Variants in CCDC33 observed in about 807,000 individuals in gnomAD.
The protein encoded by CCDC33 is coiled-coil domain-containing protein 33.
Under a neutral mutation model 91.9 loss-of-function variants are expected in CCDC33, and 94 were observed. The ratio of observed to expected loss-of-function variants is 1.02; its 90% CI spans 0.87 to 1.21. The LOEUF (loss-of-function observed/expected upper bound fraction) is 1.21, where lower values mean the gene tolerates loss of function less well. CCDC33 is among the 50% of genes most tolerant of loss of function. The pLI is 0.00. For missense variants in CCDC33, 940 were observed against 935.5 expected (o/e 1.00, Z -0.06); for synonymous variants, 396 against 374.5 (o/e 1.06, Z -0.66).
chr15:74,223,948 C>T (rs1567214428), intron 2 of CCDC33, among the ~76,000 whole-genome samples: 4 of 152,242 alleles, frequency 2.6e-5, no homozygotes, highest in South Asian at 4.1e-4. Context: ...GGCAGCTCCC[C>T]CTTCTCCTCC....
Position 74,295,951 on chromosome 15 carries a change from G to A in CCDC33, c.1290+3G>A. On this transcript the variant is annotated splice_donor_region_variant and intron_variant, in intron 11 of 18. Coordinates refer to ENST00000398814, the MANE Select transcript of CCDC33 (RefSeq NM_025055.5). ...TGCCTGAGATGTCCCATGACACAGTGAGTGTCTCTCCCCAGGTGGGAAGGG... is the reference window on the plus strand; with the variant it reads ...TGCCTGAGATGTCCCATGACACAGTAAGTGTCTCTCCCCAGGTGGGAAGGG... 3 of 1,608,600 alleles carry A rather than the reference G, an allele frequency of 1.9e-6. No homozygotes were observed. Among genetic ancestry groups the A allele is most frequent in the Non-Finnish European group, 2.5e-6 (3 of 1,177,328 alleles).
At chr15:74,323,734 A>G (rs1451048796) in intron 11 of CCDC33, among the ~76,000 whole-genome samples, 2 of 151,384 alleles carry the variant, frequency 1.3e-5, no homozygotes, top group Admixed American at 1.3e-4. Flanking sequence ...TCACCATGTT[A>G]GTCAGGCTGG....
At chr15:74,330,139 CA>C in intron 11 of CCDC33, 49 bp from the exon 12 acceptor site, 1 of 1,509,010 alleles carries the variant, frequency 6.6e-7, no homozygotes, top group Non-Finnish European at 8.9e-7. Context: ...GATGTGGGAC[CA>C]GGGTTGCTAT....
At chr15:74,257,055 C>T (rs1231979662) in intron 2 of CCDC33, among the ~76,000 whole-genome samples, 1 of 152,238 alleles carries the variant, frequency 6.6e-6, no homozygotes, top group Non-Finnish European at 1.5e-5. Flanking sequence ...AAGAGCTGGG[C>T]CCTCAGGGAC....
At chr15:74,227,644 T>C (rs1488053054) in intron 2 of CCDC33, among the ~76,000 whole-genome samples, 1 of 152,180 alleles carries the variant, frequency 6.6e-6, no homozygotes, top group Non-Finnish European at 1.5e-5. Context: ...AAGTGTTGCA[T>C]AAGTAGCCCT....
chr15:74,210,466 T>G (rs1377967052), intron 2 of CCDC33, among the ~76,000 whole-genome samples: 1 of 152,218 alleles, frequency 6.6e-6, no homozygotes, highest in African/African-American at 2.4e-5. Flanking sequence ...ATTTTATGCT[T>G]CTTTAACTAG....
intron 10 of CCDC33, among the ~76,000 whole-genome samples, 168 bp from the exon 11 acceptor site, chr15:74,295,573 AGGGCCATGTATTT>A (rs1461643402): frequency 6.6e-6 from 1 of 152,170 alleles, no homozygotes; most frequent in African/African-American, 2.4e-5. Context: ...AGGAACAGCA[AGGGCCATGTATTT>A]GGGACCCGGT....
At chr15:74,304,784 G>A (rs1222706072) in intron 11 of CCDC33, among the ~76,000 whole-genome samples, 1 of 152,054 alleles carries the variant, frequency 6.6e-6, no homozygotes, top group Non-Finnish European at 1.5e-5. Context: ...GACTTGGCCA[G>A]GTACCTAAGC....
chr15:74,218,177 C>T lies in CCDC33; in HGVS notation c.311-320C>T, dbSNP rs915529880. 1.3e-5 allele frequency among the ~76,000 whole-genome samples: 2 copies of T among 152,210 alleles called. No individual in the cohort carries two copies. Among genetic ancestry groups the T allele is most frequent in the Admixed American group, 6.5e-5 (1 of 15,284 alleles). ...AAACCAAGTCCCAGACTTTAAATGGCTATAAATCAGGGGCAGGCTGAACTC... is the reference window on the plus strand; with the variant it reads ...AAACCAAGTCCCAGACTTTAAATGGTTATAAATCAGGGGCAGGCTGAACTC... On this transcript the variant is annotated intron_variant, in intron 1 of 2. Transcript: ENST00000635913. The surrounding 1 kb of genome is among the most constrained non-coding windows in gnomAD (Gnocchi z 4.8).
chr15:74,210,543 TCA>T (rs1353957865), intron 2 of CCDC33, among the ~76,000 whole-genome samples: 11 of 152,242 alleles, frequency 7.2e-5, no homozygotes, highest in African/African-American at 2.7e-4. Flanking sequence ...AGCAAACTGT[TCA>T]CAGTGGTCAC....
chr15:74,274,815 C>G (rs986260727), intron 7 of CCDC33, among the ~76,000 whole-genome samples: 3 of 152,254 alleles, frequency 2.0e-5, no homozygotes, highest in African/African-American at 7.2e-5. Context: ...AGACTTGTTC[C>G]CAGTGCCTTT....
chr15:74,265,004 C>A (rs1309034663), intron 3 of CCDC33, among the ~76,000 whole-genome samples: 2 of 152,200 alleles, frequency 1.3e-5, no homozygotes, highest in Non-Finnish European at 2.9e-5. Context: ...TCTCCCCCTT[C>A]TTTCCTTTGA....
At chr15:74,333,753 C>A in intron 16 of CCDC33, 128 bp from the exon 17 acceptor site, 1 of 684,394 alleles carries the variant, frequency 1.5e-6, no homozygotes, top group Non-Finnish European at 2.5e-6. Context: ...AGGTCTGACG[C>A]TCTGCCTCGG....
Position 74,247,508 on chromosome 15 carries a change from G to A in CCDC33, c.185+3360G>A, listed in dbSNP as rs369087078. 2.4e-4 allele frequency among the ~76,000 whole-genome samples: 37 copies of A among 152,118 alleles called. No homozygotes were observed. The South Asian group carries it at 7.3e-3, about 30-fold the overall frequency. On this transcript the variant is annotated intron_variant, in intron 2 of 18. Coordinates refer to ENST00000398814, the MANE Select transcript of CCDC33 (RefSeq NM_025055.5). ...CATATACACAATGTAATATTATTCA[G>A]CCATAAAAGGGAGGACATTCTGCCA...
At chr15:74,324,242 C>T (rs2060264388) in intron 11 of CCDC33, among the ~76,000 whole-genome samples, 1 of 152,032 alleles carries the variant, frequency 6.6e-6, no homozygotes, top group Admixed American at 6.6e-5. Context: ...ATACACATTG[C>T]TTTGCACACG....
chr15:74,328,255 G>C (rs2060350826), intron 11 of CCDC33, among the ~76,000 whole-genome samples: 1 of 152,256 alleles, frequency 6.6e-6, no homozygotes, highest in Non-Finnish European at 1.5e-5. Flanking sequence ...CAAGGAGGAA[G>C]AGGAAGGGGT....
At chr15:74,255,569 C>T (rs982581659) in intron 2 of CCDC33, among the ~76,000 whole-genome samples, 6 of 152,260 alleles carry the variant, frequency 3.9e-5, no homozygotes, top group South Asian at 2.1e-4. Flanking sequence ...TGTGCTCCTG[C>T]GGTGCCCTGT....
At chr15:74,310,115 A>G (rs987305363) in intron 11 of CCDC33, among the ~76,000 whole-genome samples, 2 of 152,112 alleles carry the variant, frequency 1.3e-5, no homozygotes, top group African/African-American at 4.8e-5. Context: ...TGTGCCCGCC[A>G]CTGCACTCCA....
At chr15:74,333,834 C>G in intron 16 of CCDC33, 47 bp from the exon 17 acceptor site, 2 of 1,512,842 alleles carry the variant, frequency 1.3e-6, no homozygotes, top group Non-Finnish European at 9.2e-7. Context: ...CTCACACTGC[C>G]ACAGCCTCCA....
Sources: gnomAD v4.1 joint callset for allele counts (sites outside exome capture counted in the v4.1 genomes callset) on GRCh38, gnomAD v4.1.1 for gene constraint, Gnocchi (gnomAD v3.1) non-coding constraint, MANE v1.5 for transcripts, NCBI Gene and HGNC (gene_info 2026-07-23, HGNC 2026-07-21) for gene names.